The following ARID3C variants were observed in gnomAD, a reference collection of about 807,000 sequenced individuals.
ARID3C encodes AT-rich interactive domain-containing protein 3C.
In ARID3C, 42 loss-of-function variants were observed where a neutral mutation model predicts 37.9. The observed-to-expected ratio is 1.11, with a 90% confidence interval of 0.87 to 1.43. ARID3C has a LOEUF of 1.43. Among genes scored for constraint, ARID3C ranks in the 40% most tolerant of loss-of-function variants. The pLI is 0.00. For missense variants in ARID3C, 581 were observed against 548.8 expected, an observed-to-expected ratio of 1.06 and a Z score of -0.59; for synonymous variants, 213 against 228.0, an observed-to-expected ratio of 0.93 and a Z score of 0.59.
upstream of ARID3C, chr9:34,628,090 T>G: frequency 7.0e-7 from 1 of 1,435,444 alleles, no homozygotes; most frequent in South Asian, 1.5e-5. The surrounding 1 kb of genome is among the most constrained non-coding windows in gnomAD (Gnocchi z 5.2). Flanking sequence ...GGGCCGCCTG[T>G]GGGGGAGGGA....
chr9:34,628,957 C>T (rs1419355902), upstream of ARID3C, among the ~76,000 whole-genome samples: 1 of 152,034 alleles, frequency 6.6e-6, no homozygotes, highest in Non-Finnish European at 1.5e-5. This position sits in a 1 kb window ranked among gnomAD's most constrained non-coding sequence, Gnocchi z 5.2. Flanking sequence ...CTCCACGGCG[C>T]TGCCTTTGCT....
upstream of ARID3C, among the ~76,000 whole-genome samples, chr9:34,630,011 C>A (rs1005740364): frequency 2.0e-5 from 3 of 152,178 alleles, no homozygotes; most frequent in Admixed American, 6.5e-5. Flanking sequence ...GATCCACCCA[C>A]CCTGGCCACC....
intron 1 of ARID3C, among the ~76,000 whole-genome samples, chr9:34,626,578 A>C (rs553825945): frequency 4.6e-5 from 7 of 152,184 alleles, no homozygotes; most frequent in Non-Finnish European, 8.8e-5. Flanking sequence ...CCAGAGTAAC[A>C]GTCCTTGAGT....
chr9:34,625,916 G>A, intron 1 of ARID3C, 102 bp from the exon 3 acceptor site: 2 of 1,311,238 alleles, frequency 1.5e-6, no homozygotes, highest in South Asian at 1.3e-5. Context: ...AGCTGAAGGA[G>A]TCAGTAGGAT....
chr9:34,628,327 T>G, upstream of ARID3C, among the ~76,000 whole-genome samples: 1 of 148,950 alleles, frequency 6.7e-6, no homozygotes, highest in Non-Finnish European at 1.5e-5. The surrounding 1 kb of genome is among the most constrained non-coding windows in gnomAD (Gnocchi z 5.2). Context: ...CGGGAAATGG[T>G]GAAGGAAGGG....
chr9:34,624,321 T>A (rs1453712774), intron 2 of ARID3C, among the ~76,000 whole-genome samples: 2 of 152,206 alleles, frequency 1.3e-5, no homozygotes, highest in African/African-American at 4.8e-5. Context: ...AGAGAATACC[T>A]GAAGGAATGG....
upstream of ARID3C, among the ~76,000 whole-genome samples, chr9:34,628,801 C>G (rs980713834): frequency 3.9e-5 from 6 of 152,098 alleles, no homozygotes; most frequent in Non-Finnish European, 8.8e-5. This position sits in a 1 kb window ranked among gnomAD's most constrained non-coding sequence, Gnocchi z 5.2. Flanking sequence ...CAAGGAGTCG[C>G]GGGGATGGAG....
At chr9:34,622,054 G>C in exon 6 of ARID3C, 1 of 1,614,146 alleles carries the variant, frequency 6.2e-7, no homozygotes. Context: ...CTAGGGCCAT[G>C]TTGATACTGC....
exon 1 of ARID3C, chr9:34,627,897 C>T (rs746122151): frequency 1.9e-6 from 3 of 1,562,694 alleles, no homozygotes; most frequent in Non-Finnish European, 2.6e-6. Flanking sequence ...CCCTCAGGGG[C>T]CTGTAGGGTC....
At chr9:34,628,696 G>C (rs1388065807), upstream of ARID3C, among the ~76,000 whole-genome samples, 1 of 152,200 alleles carries the variant, frequency 6.6e-6, no homozygotes, top group Non-Finnish European at 1.5e-5. This position sits in a 1 kb window ranked among gnomAD's most constrained non-coding sequence, Gnocchi z 5.2. Context: ...GAAACGGACA[G>C]AAGAGAGAGA....
upstream of ARID3C, among the ~76,000 whole-genome samples, chr9:34,631,607 G>A (rs1328862247): frequency 6.6e-6 from 1 of 151,808 alleles, no homozygotes. Flanking sequence ...GAAATATACA[G>A]TGTGTCAGAT....
intron 1 of ARID3C, among the ~76,000 whole-genome samples, chr9:34,627,272 A>C (rs1820668418): frequency 6.6e-6 from 1 of 152,188 alleles, no homozygotes; most frequent in Non-Finnish European, 1.5e-5. Flanking sequence ...GGTCACTGGA[A>C]TATGACCTTG....
chr9:34,624,151 G>GGGA, intron 2 of ARID3C, 104 bp from the exon 4 acceptor site: 1 of 1,377,426 alleles, frequency 7.3e-7, no homozygotes, highest in Non-Finnish European at 9.6e-7. Context: ...GCGGGAAAGA[G>GGGA]GGAGACTTGG....
rs1344287434 is a variant in ARID3C at position 34,624,067 on chromosome 9, C to G, written c.392-20G>C. On this transcript the variant is annotated intron_variant, in intron 2 of 6. Transcript: ENST00000378909. ...GCGTCCCTGGTGGGGAGCGGGCTGC[C>G]GTCAGGACACTGAGACGAAGACCCT... The G allele has an allele frequency of 1.3e-6, 2 of 1,564,164 alleles. No homozygotes were observed. The highest frequency in any genetic ancestry group is 1.2e-5 in the South Asian group (1 of 86,850).
exon 4 of ARID3C, chr9:34,623,656 C>G (rs1281994319): frequency 1.3e-6 from 2 of 1,594,036 alleles, no homozygotes; most frequent in Non-Finnish European, 1.7e-6. Flanking sequence ...GCCTGGAGCT[C>G]CCCTGGGGAG....
chr9:34,632,992 G>T (rs529957674), upstream of ARID3C, among the ~76,000 whole-genome samples: 1 of 152,204 alleles, frequency 6.6e-6, no homozygotes, highest in East Asian at 1.9e-4. Flanking sequence ...GGTGTAAACA[G>T]AAGAGGTTTG....
chr9:34,628,132 G>T (rs1273679083), upstream of ARID3C: 3 of 1,344,690 alleles, frequency 2.2e-6, no homozygotes, highest in Admixed American at 5.9e-5. This position sits in a 1 kb window ranked among gnomAD's most constrained non-coding sequence, Gnocchi z 5.2. Flanking sequence ...TGCCCCCAGA[G>T]CCCCCCAACA....
chr9:34,625,614 G>C, intron 2 of ARID3C, 128 bp downstream of exon 3: 1 of 764,098 alleles, frequency 1.3e-6, no homozygotes. Flanking sequence ...AGAGGTTAAA[G>C]ACGCTATCGA....
Position 34,627,896 on chromosome 9 carries a change from G to T in ARID3C, c.119C>A (p.Ala40Asp). 6.4e-7 allele frequency: 1 copy of T among 1,564,074 alleles called. No individual in the cohort carries two copies. The highest frequency in any genetic ancestry group is 8.7e-7 in the Non-Finnish European group (1 of 1,153,774). ...AACATTCCCCAAGGCCCCCTCAGGGGCCTGTAGGGTCCGGTGGTCAGGCAG... is the reference window on the plus strand; with the variant it reads ...AACATTCCCCAAGGCCCCCTCAGGGTCCTGTAGGGTCCGGTGGTCAGGCAG... The change falls in exon 1 of 7, where the codon GCC becomes GAC. Residue 40 changes from alanine to aspartate, a missense_variant. Coordinates refer to ENST00000378909, the Ensembl canonical transcript of ARID3C.
Sources: allele counts gnomAD v4.1 joint callset (sites outside exome capture counted in the v4.1 genomes callset), GRCh38; gene constraint gnomAD v4.1.1; non-coding constraint Gnocchi (gnomAD v3.1); transcripts MANE v1.5; gene names NCBI Gene and HGNC (gene_info 2026-07-23, HGNC 2026-07-21).